NIN: variants seen among roughly 807,000 people sequenced by gnomAD.
NIN encodes glycogen synthase kinase 3 beta-interacting protein.
A neutral mutation model predicts 257.6 loss-of-function variants in NIN; 137 were observed. The ratio of observed to expected loss-of-function variants is 0.53; its 90% CI spans 0.46 to 0.61. The LOEUF (loss-of-function observed/expected upper bound fraction) is 0.61. Among genes scored for constraint, NIN ranks in the 20% least tolerant of loss-of-function variants. NIN has a pLI of 0.00. For missense variants in NIN, 2,439 were observed against 2,501.2 expected (o/e 0.98, Z 0.53); for synonymous variants, 918 against 919.8 (o/e 1.00, Z 0.04).
rs1183183942 is a variant in NIN, at chr14:50,721,667, T to C, written c.*1796A>G. ...AAGGCATAATAGCAGATGTCAAATA[T>C]TTTGAAGTATAATTATAGGGAAGGA... On this transcript the variant is annotated 3_prime_UTR_variant, in exon 31 of 31. Transcript: ENST00000530997. The C allele has an allele frequency of 4.6e-6, 1 of 216,906 alleles. No homozygotes were observed. The allele number at this position is 216,906 out of a possible 1,614,324, so 13.4% of individuals were successfully genotyped here. A position where few individuals can be genotyped will look rare whatever the true frequency, so the allele number is the denominator to read the frequency against.
intron 4 of NIN, among the ~76,000 whole-genome samples, chr14:50,803,444 C>A (rs2044184911): frequency 1.3e-5 from 2 of 152,218 alleles, no homozygotes; most frequent in African/African-American, 2.4e-5. Flanking sequence ...ACACAGGCAT[C>A]CCTGTCCCTA....
At position 50,757,154 on chromosome 14, in the gene NIN, A is replaced by G. The variant is rs1450488734; in HGVS notation, c.3876T>C (p.Asp1292=). ...ELTAEVFRLQ[D]ELKKMEEVTE... is the part of the protein sequence containing the mutation. ...TGACTTCCTCCATTTTCTTCAGCTC[A>G]TCCTGCAACCTGAAAACCTCTGCAG... Residue 1292 remains aspartate (D), a synonymous_variant, in exon 18 of 31, where the codon GAT becomes GAC. Coordinates refer to ENST00000530997, the MANE Select transcript of NIN (RefSeq NM_020921.4). 1 of 1,612,828 alleles carries G rather than the reference A, an allele frequency of 6.2e-7. No individual in the cohort carries two copies.
rs61755037 is a variant in NIN, at chr14:50,806,738, T to A, written c.264A>T (p.Pro88=). Residue 88 remains proline, a splice_region_variant and synonymous_variant, in exon 4 of 31, where the codon CCA becomes CCT. Transcript: ENST00000530997. ...GAGAAGAGAAGTGAGTGACCTTACC[T>A]GGTTCTTGAAAGTGTTCTTCATTTG... ...TLSNEEHFQE[P]DCSLEAQPKY... is the part of the protein sequence containing the mutation. 1.5e-3 allele frequency: 2,275 copies of A among 1,557,114 alleles called. 42 individuals carry two copies. The African/African-American group carries it at 0.028, about 19-fold the overall frequency.
intron 4 of NIN, among the ~76,000 whole-genome samples, chr14:50,802,385 C>A (rs2044139213): frequency 6.6e-6 from 1 of 152,058 alleles, no homozygotes; most frequent in Admixed American, 6.6e-5. Flanking sequence ...TCCATATCTC[C>A]TGATTCTAAA....
chr14:50,783,165 C>T (rs986872339), intron 5 of NIN, among the ~76,000 whole-genome samples: 5 of 152,120 alleles, frequency 3.3e-5, no homozygotes, highest in Admixed American at 2.0e-4. Flanking sequence ...GGTGATCCTC[C>T]GGCCCTCCCC....
At chr14:50,779,744 C>T (rs1392776823) in intron 5 of NIN, among the ~76,000 whole-genome samples, 3 of 147,416 alleles carry the variant, frequency 2.0e-5, no homozygotes, top group Admixed American at 6.8e-5. Flanking sequence ...GGCAACAGAG[C>T]GAGACTCCGT....
intron 30 of NIN, chr14:50,724,044 T>C (rs2040326084): frequency 4.8e-6 from 1 of 206,890 alleles, no homozygotes; most frequent in African/African-American, 2.3e-5. Flanking sequence ...TGTTTAACTC[T>C]GCTTGTAACA....
In NIN at chr14:50,729,836, C is replaced by A. The variant is rs143730968; in HGVS notation, c.5878-113G>T. The A allele has an allele frequency of 2.8e-4, 209 of 759,210 alleles. 4 individuals are homozygous for A. The South Asian group carries it at 4.7e-3, about 17-fold the overall frequency. The allele number at this position is 759,210 out of a possible 1,614,324, so 47.0% of individuals were successfully genotyped here. A position where few individuals can be genotyped will look rare whatever the true frequency, so the allele number is the denominator to read the frequency against. Reference sequence around the variant, plus strand: ...CTATTAATTCATTAATAACCCCAGACCCACTGAAACTTGGAAACAGGACAG... The same window carrying A: ...CTATTAATTCATTAATAACCCCAGAACCACTGAAACTTGGAAACAGGACAG... On this transcript the variant is annotated intron_variant, in intron 28 of 30. Coordinates refer to ENST00000530997, the MANE Select transcript of NIN (RefSeq NM_020921.4).
intron 3 of NIN, among the ~76,000 whole-genome samples, chr14:50,817,680 C>T (rs919692727): frequency 5.3e-5 from 8 of 152,098 alleles, no homozygotes; most frequent in African/African-American, 1.4e-4. Flanking sequence ...TGCAACTCCT[C>T]AGAACTTCAG....
chr14:50,780,461 G>T (rs529458713), intron 5 of NIN, among the ~76,000 whole-genome samples: 5 of 152,290 alleles, frequency 3.3e-5, no homozygotes, highest in East Asian at 3.9e-4. Context: ...CAGATGGTAT[G>T]GCACGTAAAA....
intron 27 of NIN, 111 bp downstream of exon 27, chr14:50,738,029 C>G: frequency 9.1e-7 from 1 of 1,101,366 alleles, no homozygotes; most frequent in Non-Finnish European, 1.3e-6. Context: ...AGATACATGC[C>G]AAAATATGCC....
At chr14:50,819,598 T>C (rs908442494) in intron 3 of NIN, among the ~76,000 whole-genome samples, 1 of 152,218 alleles carries the variant, frequency 6.6e-6, no homozygotes, top group African/African-American at 2.4e-5. Context: ...AAACCTCTTT[T>C]TCTTTATAAA....
intron 12 of NIN, among the ~76,000 whole-genome samples, chr14:50,770,021 C>T (rs904240175): frequency 2.6e-5 from 4 of 151,258 alleles, no homozygotes; most frequent in African/African-American, 9.7e-5. Context: ...AGACCATCTG[C>T]TGAGAATGAG....
At chr14:50,822,128 AC>A in intron 2 of NIN, 51 bp from the exon 3 acceptor site, 3 of 1,327,692 alleles carry the variant, frequency 2.3e-6, no homozygotes, top group Non-Finnish European at 3.2e-6. Context: ...CTCCAGTCCT[AC>A]CGTGGTCACC....
At chr14:50,777,478 G>A (rs546478714) in intron 6 of NIN, among the ~76,000 whole-genome samples, 1 of 152,282 alleles carries the variant, frequency 6.6e-6, no homozygotes, top group South Asian at 2.1e-4. Flanking sequence ...GGCTGGTTGA[G>A]GGCCATTATC....
intron 19 of NIN, 37 bp from the exon 20 acceptor site, chr14:50,754,669 G>C (rs377065739): frequency 1.9e-6 from 3 of 1,591,662 alleles, no homozygotes; most frequent in Non-Finnish European, 2.6e-6. Context: ...TAATGGTTAG[G>C]CTTTAAAAGC....
intron 3 of NIN, among the ~76,000 whole-genome samples, chr14:50,821,345 C>T (rs1047488207): frequency 6.6e-6 from 1 of 152,318 alleles, no homozygotes; most frequent in African/African-American, 2.4e-5. Context: ...GGCGTGCACA[C>T]ACACATCCCT....
intron 3 of NIN, among the ~76,000 whole-genome samples, chr14:50,807,217 G>A (rs1196329724): frequency 2.0e-5 from 3 of 152,180 alleles, no homozygotes; most frequent in Non-Finnish European, 4.4e-5. Context: ...AGATGCTTTC[G>A]TATCTTGAGA....
At chr14:50,786,358 A>T (rs2043347125) in intron 5 of NIN, among the ~76,000 whole-genome samples, 1 of 151,946 alleles carries the variant, frequency 6.6e-6, no homozygotes, top group South Asian at 2.1e-4. Context: ...TTCTAGTTAG[A>T]AGATAAATAT....
Sources: gnomAD v4.1 joint callset for allele counts (sites outside exome capture counted in the v4.1 genomes callset) on GRCh38, gnomAD v4.1.1 for gene constraint, MANE v1.5 for transcripts, NCBI Gene and HGNC (gene_info 2026-07-23, HGNC 2026-07-21) for gene names.